IL1RAPL1: variants seen among roughly 807,000 people sequenced by gnomAD.
IL1RAPL1 encodes the protein interleukin 1 receptor accessory protein like 1.
Under a neutral mutation model 48.4 loss-of-function variants are expected in IL1RAPL1, and 3 were observed. That is an observed-to-expected ratio of 0.06 (90% CI 0.03 to 0.16). The LOEUF (loss-of-function observed/expected upper bound fraction) is 0.16, where lower values mean the gene tolerates loss of function less well. Among genes scored for constraint, IL1RAPL1 ranks in the 10% least tolerant of loss-of-function variants. IL1RAPL1 has a pLI of 1.00. For synonymous variants in IL1RAPL1, 185 were observed against 187.7 expected (o/e 0.99, Z 0.12); for missense variants, 349 against 530.6 (o/e 0.66, Z 3.36).
chrX:29,576,474 T>C (rs779322982), intron 5 of IL1RAPL1, among the ~76,000 whole-genome samples: 14 of 112,163 alleles, frequency 1.2e-4, no homozygotes, highest in Admixed American at 9.4e-5. Flanking sequence ...TAAGTCAGGT[T>C]TGAGAAACCC....
intron 5 of IL1RAPL1, among the ~76,000 whole-genome samples, chrX:29,501,190 A>C (rs1268550908): frequency 9.0e-6 from 1 of 111,412 alleles, no homozygotes; most frequent in Non-Finnish European, 1.9e-5. Flanking sequence ...ATGTATTCTG[A>C]CTATTAATCC....
chrX:29,007,089 A>T lies in IL1RAPL1; in HGVS notation c.82+217664A>T, dbSNP rs995653806. Among the ~76,000 whole-genome samples the T allele has an allele frequency of 3.6e-5, 4 of 112,030 alleles. No homozygotes were observed. The Admixed American group carries it at 3.8e-4, about 11-fold the overall frequency. ...GGTAAAGACCTGGAAATTATATTCA[A>T]CATTTGTGAATTGTACACTCTTTAA... On this transcript the variant is annotated intron_variant, in intron 2 of 10. Transcript: ENST00000378993.
chrX:29,458,654 G>C (rs1158486152), intron 5 of IL1RAPL1, among the ~76,000 whole-genome samples: 1 of 111,243 alleles, frequency 9.0e-6, no homozygotes, highest in Non-Finnish European at 1.9e-5. Context: ...CTCTTTATTA[G>C]GACATGCAGA....
intron 10 of IL1RAPL1, 56 bp from the exon 11 acceptor site, chrX:29,955,046 T>C: frequency 9.8e-7 from 1 of 1,020,066 alleles, no homozygotes; most frequent in South Asian, 1.9e-5. Context: ...CTACTAGGAC[T>C]TTCTGGACCA....
intron 2 of IL1RAPL1, among the ~76,000 whole-genome samples, chrX:28,884,471 T>G (rs1216918884): frequency 9.0e-6 from 1 of 111,519 alleles, no homozygotes; most frequent in Non-Finnish European, 1.9e-5. Flanking sequence ...TGAAGCTAAG[T>G]TTATTGCTTA....
intron 6 of IL1RAPL1, among the ~76,000 whole-genome samples, chrX:29,760,450 C>T (rs922541135): frequency 1.8e-5 from 2 of 111,637 alleles, no homozygotes; most frequent in African/African-American, 3.3e-5. Flanking sequence ...TGCAATTCTA[C>T]AGTTATTTCA....
rs149125739 is a variant in IL1RAPL1, at chrX:29,074,359, A to G, written c.83-208579A>G. 6.9e-4 allele frequency among the ~76,000 whole-genome samples: 77 copies of G among 111,678 alleles called. No individual in the cohort carries two copies. The East Asian group carries it at 0.021, about 30-fold the overall frequency. ...ATAGCCTGCTTCCAACATTGGGAGC[A>G]TAGAGATGAGTCAGGAAAGCCTGAC... On this transcript the variant is annotated intron_variant, in intron 2 of 10. Coordinates refer to ENST00000378993, the MANE Select transcript of IL1RAPL1 (RefSeq NM_014271.4).
chrX:28,968,603 G>A (rs1924978086), intron 2 of IL1RAPL1, among the ~76,000 whole-genome samples: 1 of 112,469 alleles, frequency 8.9e-6, no homozygotes, highest in Admixed American at 9.4e-5. Flanking sequence ...ATAAATCACA[G>A]TATTCCCATA....
chrX:29,219,882 G>C (rs1251246764), intron 2 of IL1RAPL1, among the ~76,000 whole-genome samples: 1 of 110,632 alleles, frequency 9.0e-6, no homozygotes, highest in African/African-American at 3.3e-5. Flanking sequence ...CTCTAGGTCT[G>C]GGTCAAAGAG....
At chrX:28,991,226 T>C (rs998407730) in intron 2 of IL1RAPL1, among the ~76,000 whole-genome samples, 1 of 111,898 alleles carries the variant, frequency 8.9e-6, no homozygotes, top group Non-Finnish European at 1.9e-5. Context: ...TCACAAAATA[T>C]TCATACTTTT....
At chrX:28,796,024 C>T (rs1404254726) in intron 2 of IL1RAPL1, among the ~76,000 whole-genome samples, 1 of 111,720 alleles carries the variant, frequency 9.0e-6, no homozygotes, top group Non-Finnish European at 1.9e-5. Flanking sequence ...CAAGTCATGT[C>T]TTACATGGAT....
chrX:29,582,640 G>A lies in IL1RAPL1; in HGVS notation c.704-85790G>A, dbSNP rs1206266441. On this transcript the variant is annotated intron_variant, in intron 5 of 10. Coordinates refer to ENST00000378993, the MANE Select transcript of IL1RAPL1 (RefSeq NM_014271.4). ...TTCCCACCTATGAGTGAGAATATGC[G>A]GTGTTTGGTTTTTTGTTCTTGCGAT... Among the ~76,000 whole-genome samples, 283 of 62,649 alleles carry A rather than the reference G, an allele frequency of 4.5e-3. 2 individuals are homozygous for A. Among genetic ancestry groups the A allele is most frequent in the Non-Finnish European group, 7.0e-3 (243 of 34,483 alleles). The allele number at this position is 62,649 out of a possible 115,157, so 54.4% of individuals were successfully genotyped here.
intron 1 of IL1RAPL1, among the ~76,000 whole-genome samples, chrX:28,647,382 C>T (rs1018871143): frequency 9.0e-6 from 1 of 111,117 alleles, no homozygotes; most frequent in Non-Finnish European, 1.9e-5. Flanking sequence ...CCTCATGGGT[C>T]TCTGTTCTCT....
chrX:29,806,967 C>T (rs1280088667), intron 6 of IL1RAPL1, among the ~76,000 whole-genome samples: 1 of 110,243 alleles, frequency 9.1e-6, no homozygotes, highest in Non-Finnish European at 1.9e-5. Flanking sequence ...TTCCCCTTTG[C>T]CTTCTGCCAT....
chrX:29,366,047 C>CA (rs763962865), intron 3 of IL1RAPL1, among the ~76,000 whole-genome samples: 10,799 of 75,462 alleles, frequency 0.14, 684 homozygotes, highest in African/African-American at 0.23. Context: ...GACTGTGTCT[C>CA]AAAAAAAAAA....
chrX:29,306,036 T>A (rs1216619041), intron 3 of IL1RAPL1, among the ~76,000 whole-genome samples: 1 of 111,721 alleles, frequency 9.0e-6, no homozygotes, highest in Non-Finnish European at 1.9e-5. Context: ...GGAAGATGAC[T>A]CACTTGGTTG....
intron 1 of IL1RAPL1, among the ~76,000 whole-genome samples, chrX:28,723,718 CT>C (rs1314853120): frequency 2.7e-5 from 3 of 111,769 alleles, no homozygotes; most frequent in Non-Finnish European, 5.6e-5. Context: ...CCTGCTTTCT[CT>C]TGTGGGCATT....
At chrX:29,337,120 A>C (rs190559549) in intron 3 of IL1RAPL1, among the ~76,000 whole-genome samples, 1 of 111,874 alleles carries the variant, frequency 8.9e-6, no homozygotes, top group East Asian at 2.8e-4. Context: ...CTGAGTTCCA[A>C]CATGGCAAAC....
intron 6 of IL1RAPL1, among the ~76,000 whole-genome samples, chrX:29,877,860 A>G (rs1380617096): frequency 8.9e-6 from 1 of 111,964 alleles, no homozygotes; most frequent in Non-Finnish European, 1.9e-5. Context: ...GACCAAAATC[A>G]TCATGGAAAA....
Sources: gnomAD v4.1 joint callset for allele counts (sites outside exome capture counted in the v4.1 genomes callset) on GRCh38, gnomAD v4.1.1 for gene constraint, MANE v1.5 for transcripts, NCBI Gene and HGNC (gene_info 2026-07-23, HGNC 2026-07-21) for gene names.